Variants in SGSM2 observed in about 807,000 individuals in gnomAD.
SGSM2 encodes small G protein signaling modulator 2.
A neutral mutation model predicts 126.6 loss-of-function variants in SGSM2; 89 were observed. The observed-to-expected ratio is 0.70, with a 90% CI of 0.59 to 0.84. The LOEUF (loss-of-function observed/expected upper bound fraction) is 0.84. Ranked by LOEUF, SGSM2 falls within the 40% of genes least tolerant of loss-of-function variation. The pLI, the probability that SGSM2 is intolerant of heterozygous loss-of-function variation, is 0.00. For missense variants in SGSM2, 1,404 were observed against 1,416.6 expected, an observed-to-expected ratio of 0.99 and a Z score of 0.14; for synonymous variants, 614 against 574.3, an observed-to-expected ratio of 1.07 and a Z score of -0.99.
rs192728102 is a variant in SGSM2 at position 2,340,817 on chromosome 17, C to T, written c.58-2728C>T. ...GCCAGGATGGTCTCGATCTCCTGAC[C>T]TCGTGATCCGCCCACCTTGGCCTCC... On this transcript the variant is annotated intron_variant, in intron 1 of 23. Coordinates refer to ENST00000268989, the MANE Select transcript of SGSM2 (RefSeq NM_014853.3). 2.8e-4 allele frequency among the ~76,000 whole-genome samples: 42 copies of T among 152,286 alleles called. No individual in the cohort carries two copies. In the East Asian group the frequency reaches 5.6e-3, roughly 20 times the overall value.
rs1416737810 is a variant in SGSM2 at position 2,363,203 on chromosome 17, C to T, written c.672+69C>T. The stretch of plus-strand genomic sequence containing the variant: ...CCATGGGCCTGTAGGGACGGGAAAC[C>T]GGCCTCTCTACGGGACAGGCCTTGG... On this transcript the variant is annotated intron_variant, in intron 6 of 23. Coordinates refer to ENST00000268989, the MANE Select transcript of SGSM2 (RefSeq NM_014853.3). This position sits in a 1 kb window ranked among gnomAD's most constrained non-coding sequence, Gnocchi z 4.2. 4.9e-5 allele frequency: 74 copies of T among 1,508,546 alleles called. No individual in the cohort carries two copies. The highest frequency in any genetic ancestry group is 5.7e-5 in the Non-Finnish European group (64 of 1,129,640). The allele number at this position is 1,508,546 out of a possible 1,614,324, so 93.4% of individuals were successfully genotyped here.
rs906624884 is a variant in SGSM2, at chr17:2,337,764, C to T, written c.57+19C>T. On this transcript the variant is annotated intron_variant, in intron 1 of 23. Coordinates refer to ENST00000268989, the MANE Select transcript of SGSM2 (RefSeq NM_014853.3). This position sits in a 1 kb window ranked among gnomAD's most constrained non-coding sequence, Gnocchi z 5.1. ...GAAGGAGGTAAAGTCGAGTCAAGAA[C>T]CCCGGGGGGCTCGCGCCCTGGCCCG... 21 of 1,511,692 alleles carry T rather than the reference C, an allele frequency of 1.4e-5. No homozygotes were observed. Among genetic ancestry groups the T allele is most frequent in the African/African-American group, 2.9e-5 (2 of 69,590 alleles). 93.6% of individuals were successfully genotyped at this position (1,511,692 alleles called of 1,614,324 possible).
At chr17:2,347,769 G>A (rs1159724597) in intron 2 of SGSM2, among the ~76,000 whole-genome samples, 3 of 151,982 alleles carry the variant, frequency 2.0e-5, no homozygotes, top group Non-Finnish European at 1.5e-5. Flanking sequence ...ACCACCGCCC[G>A]AGGTCCATAG....
intron 9 of SGSM2, 104 bp downstream of exon 9, chr17:2,364,767 C>T (rs2065478640): frequency 6.4e-7 from 1 of 1,556,098 alleles, no homozygotes; most frequent in Non-Finnish European, 8.8e-7. Context: ...TCCTCCCATC[C>T]TTGTTAATGG....
chr17:2,371,812 CCG>C (rs2065885197), intron 13 of SGSM2: 15 of 382,972 alleles, frequency 3.9e-5, no homozygotes, highest in East Asian at 3.4e-4. Context: ...CAGCCACCTG[CCG>C]TGTGCCAGGG....
chr17:2,358,301 T>C (rs573946842), intron 2 of SGSM2, among the ~76,000 whole-genome samples: 10 of 152,314 alleles, frequency 6.6e-5, no homozygotes, highest in Admixed American at 4.6e-4. Context: ...AGGACACTGT[T>C]GCTGCCGGCT....
intron 12 of SGSM2, among the ~76,000 whole-genome samples, chr17:2,370,425 G>C (rs1377518094): frequency 6.6e-6 from 1 of 151,488 alleles, no homozygotes; most frequent in Non-Finnish European, 1.5e-5. Context: ...TGGCAGCGTA[G>C]CTGTGTCTAA....
At position 2,380,244 on chromosome 17, in the gene SGSM2, C is replaced by A. The variant is rs571990753; in HGVS notation, c.*724C>A. The stretch of plus-strand genomic sequence containing the variant: ...CTGTACAGCCTCGCTCCTGCCACCC[C>A]ACCCTTGCGTTCTGCATTAGGTACT... On this transcript the variant is annotated 3_prime_UTR_variant, in exon 24 of 24. Coordinates refer to ENST00000268989, the MANE Select transcript of SGSM2 (RefSeq NM_014853.3). 4.6e-6 allele frequency: 7 copies of A among 1,535,932 alleles called. No homozygotes were observed. Among genetic ancestry groups the A allele is most frequent in the South Asian group, 2.4e-5 (2 of 84,072 alleles).
chr17:2,376,502 C>T (rs965184895), intron 19 of SGSM2: 3 of 661,670 alleles, frequency 4.5e-6, no homozygotes, highest in African/African-American at 1.8e-5. Context: ...CCCGCACCCC[C>T]GCCCCACATA....
chr17:2,352,411 GTGCAGA>G (rs1240931505), intron 2 of SGSM2, among the ~76,000 whole-genome samples: 2 of 152,198 alleles, frequency 1.3e-5, no homozygotes, highest in Non-Finnish European at 2.9e-5. Flanking sequence ...CTCCCCTGTC[GTGCAGA>G]TGGCAGCTGG....
chr17:2,361,932 C>T lies in SGSM2; in HGVS notation c.296+133C>T. ...GCAGGGCCTCTGGGTGAGGGATCAG[C>T]TTGAGGGAGGGGATTGGTTCCTTGT... is the stretch of plus-strand genomic sequence containing the variant. On this transcript the variant is annotated intron_variant, in intron 3 of 23. Transcript: ENST00000268989. The T allele has an allele frequency of 3.0e-6, 4 of 1,333,216 alleles. No individual in the cohort carries two copies. The South Asian group carries it at 5.6e-5, about 19-fold the overall frequency. 82.6% of individuals were successfully genotyped at this position (1,333,216 alleles called of 1,614,324 possible).
At chr17:2,359,317 G>A (rs4790332) in intron 2 of SGSM2, among the ~76,000 whole-genome samples, 67,228 of 152,028 alleles carry the variant, frequency 0.44, 15,442 homozygotes, top group East Asian at 0.75. Flanking sequence ...GCACACTCTC[G>A]GTGGGGAACA....
At chr17:2,339,578 G>A (rs2064256689) in intron 1 of SGSM2, among the ~76,000 whole-genome samples, 1 of 151,958 alleles carries the variant, frequency 6.6e-6, no homozygotes, top group East Asian at 1.9e-4. Flanking sequence ...GCTGGGCGTG[G>A]TGGCGGGCGA....
chr17:2,358,132 C>G (rs1957661142), intron 2 of SGSM2, among the ~76,000 whole-genome samples: 1 of 152,140 alleles, frequency 6.6e-6, no homozygotes, highest in African/African-American at 2.4e-5. Context: ...CAGTGGGGAC[C>G]TGGGGAAGGA....
At chr17:2,368,559 G>A (rs2065703683) in intron 12 of SGSM2, among the ~76,000 whole-genome samples, 1 of 152,108 alleles carries the variant, frequency 6.6e-6, no homozygotes, top group Non-Finnish European at 1.5e-5. Flanking sequence ...AACTGTCTCC[G>A]GGCAGGCAGG....
intron 21 of SGSM2, 189 bp from the exon 22 acceptor site, chr17:2,377,668 C>T: frequency 2.1e-6 from 1 of 485,718 alleles, no homozygotes; most frequent in Non-Finnish European, 3.7e-6. Flanking sequence ...GGAGGGGCAG[C>T]AGGAGCAACC....
rs891248438 is a variant in SGSM2 at position 2,380,064 on chromosome 17, G to C, written c.*544G>C. ...CGGGAGACCCGGGCACGGGAGACCC[G>C]GGCCGCCTTCAGGCCGCTCCCCCGA... On this transcript the variant is annotated 3_prime_UTR_variant, in exon 24 of 24. Transcript: ENST00000268989. 1.9e-5 allele frequency: 26 copies of C among 1,404,630 alleles called. No individual in the cohort carries two copies. Among genetic ancestry groups the C allele is most frequent in the Non-Finnish European group, 2.4e-5 (26 of 1,084,820 alleles). The allele number at this position is 1,404,630 out of a possible 1,614,324, so 87.0% of individuals were successfully genotyped here.
intron 2 of SGSM2, among the ~76,000 whole-genome samples, chr17:2,358,858 T>TTTG (rs1202997749): frequency 6.6e-4 from 88 of 134,054 alleles, no homozygotes; most frequent in East Asian, 2.6e-3. Flanking sequence ...GGGGCTCTTT[T>TTTG]TTGTTGTTGT....
In SGSM2 at chr17:2,380,804, GC is replaced by G. The variant is rs2066377010; in HGVS notation, c.*1287del. On this transcript the variant is annotated 3_prime_UTR_variant, in exon 24 of 24. Transcript: ENST00000268989. Reference sequence around the variant, plus strand: ...GAGAAACATGACAAAGGGCCCCGCAGCCCTTCTGCACCCAGCACAGCCTGCC... The same window carrying G: ...GAGAAACATGACAAAGGGCCCCGCAGCCTTCTGCACCCAGCACAGCCTGCC... 5.1e-6 allele frequency: 1 copy of G among 196,176 alleles called. No homozygotes were observed. The highest frequency in any genetic ancestry group is 2.4e-5 in the African/African-American group (1 of 42,234). The allele number at this position is 196,176 out of a possible 1,614,324, so 12.2% of individuals were successfully genotyped here.
Sources: allele counts gnomAD v4.1 joint callset (sites outside exome capture counted in the v4.1 genomes callset), GRCh38; gene constraint gnomAD v4.1.1; non-coding constraint Gnocchi (gnomAD v3.1); transcripts MANE v1.5; gene names NCBI Gene and HGNC (gene_info 2026-07-23, HGNC 2026-07-21).